Variants in DNAH2 observed in about 807,000 individuals in gnomAD.
DNAH2 encodes dynein axonemal heavy chain 2, also known as axonemal beta dynein heavy chain 2.
A neutral mutation model predicts 523.5 loss-of-function variants in DNAH2; 323 were observed. That is an observed-to-expected ratio of 0.62 (90% CI 0.56 to 0.68). The LOEUF is 0.68. Among genes scored for constraint, DNAH2 ranks in the 30% least tolerant of loss-of-function variants. The pLI is 0.00. For missense variants in DNAH2, 4,907 were observed against 5,701.5 expected (o/e 0.86, Z 4.49); for synonymous variants, 2,093 against 2,177.4 (o/e 0.96, Z 1.08).
chr17:7,833,085 C>T lies in DNAH2; in HGVS notation c.12993C>T (p.Val4331=), dbSNP rs548987581. The T allele has an allele frequency of 1.4e-4, 221 of 1,613,432 alleles. 2 individuals are homozygous for T. In the South Asian group the frequency reaches 2.2e-3, roughly 16 times the overall value. ...TTTCTCCCCAGGATGGTGTCTGGGT[C>T]CGGGGCCTGTACCTGGAAGGTGCTG... is the stretch of plus-strand genomic sequence containing the variant. ...LVYPPKDGVW[V]RGLYLEGAGW... is the part of the protein sequence containing the mutation. The change falls in exon 85 of 86, where the codon GTC becomes GTT. Residue 4331 remains valine, a synonymous_variant. Transcript: ENST00000572933.
rs1023426903 is a variant in DNAH2, at chr17:7,769,253, G to A, written c.3941+986G>A. On this transcript the variant is annotated intron_variant, in intron 24 of 85. Coordinates refer to ENST00000572933, the MANE Select transcript of DNAH2 (RefSeq NM_020877.5). ...CTCGGCTCACTGTAACCTTCACCTC[G>A]CGGGTTCAAGCAATTCTTGTGCCTC... Among the ~76,000 whole-genome samples, 28 of 151,934 alleles carry A rather than the reference G, an allele frequency of 1.8e-4. 1 individual carries two copies. Among genetic ancestry groups the A allele is most frequent in the East Asian group, 9.7e-4 (5 of 5,162 alleles).
At position 7,792,267 on chromosome 17, in the gene DNAH2, T is replaced by G. The variant is rs1481769222; in HGVS notation, c.7069T>G (p.Tyr2357Asp). 1 of 1,613,926 alleles carries G rather than the reference T, an allele frequency of 6.2e-7. No homozygotes were observed. Among genetic ancestry groups the G allele is most frequent in the Non-Finnish European group, 8.5e-7 (1 of 1,179,970 alleles). The stretch of plus-strand genomic sequence containing the variant: ...CCCTCCTTAGGACACGGTATATGAG[T>G]ATTTTGTGGACCCCAAAATACGGAG... ...SFPNKDTVYE[Y>D]FVDPKIRSWT... Residue 2357 changes from tyrosine to aspartate, a missense_variant, in exon 46 of 86, where the codon TAT becomes GAT. Physicochemically the swap from Tyr to Asp is radical, Grantham distance 160 (BLOSUM62 -3). Around this residue, in one of 3 missense-constraint regions of DNAH2, gnomAD observed 2,806 missense variants for 3,190.8 expected, o/e 0.88. Transcript: ENST00000572933.
Position 7,759,067 on chromosome 17 carries a change from GGATGTGGT to G in DNAH2, c.2394_2401del (p.Val799HisfsTer7). On this transcript the variant is annotated frameshift_variant, in exon 15 of 86. Coordinates refer to ENST00000572933, the MANE Select transcript of DNAH2 (RefSeq NM_020877.5). LOFTEE classifies it high-confidence loss of function. ...AGCAGAAATTGATGAACCTGCACCA[GGATGTGGT>G]GACCATCATGACCAACTCCTATGAG... is the stretch of plus-strand genomic sequence containing the variant. 1 of 1,614,202 alleles carries G rather than the reference GGATGTGGT, an allele frequency of 6.2e-7. No individual in the cohort carries two copies. Among genetic ancestry groups the G allele is most frequent in the Non-Finnish European group, 8.5e-7 (1 of 1,180,042 alleles).
Position 7,830,194 on chromosome 17 carries a change from C to A in DNAH2, c.11854-106C>A. 23 of 1,220,286 alleles carry A rather than the reference C, an allele frequency of 1.9e-5. 1 individual carries two copies. The South Asian group carries it at 3.4e-4, about 18-fold the overall frequency. 75.6% of individuals were successfully genotyped at this position (1,220,286 alleles called of 1,614,324 possible). On this transcript the variant is annotated intron_variant, in intron 77 of 85. Transcript: ENST00000572933. ...TTCAGCCTCCACTCACCCTTTCAGC[C>A]AGTGCCTTTGTGCAATGAAGAACCT...
rs768036883 is a variant in DNAH2 at position 7,805,362 on chromosome 17, G to T, written c.9411G>T (p.Glu3137Asp). The change falls in exon 61 of 86, where the codon GAG becomes GAT. Residue 3137 changes from glutamate to aspartate, a missense_variant. By Grantham distance (45) the Glu-to-Asp change is conservative. Coordinates refer to ENST00000572933, the MANE Select transcript of DNAH2 (RefSeq NM_020877.5). Reference protein sequence around the residue: ...MQAVMILRGNEPTWAEAKRQL... With the variant: ...MQAVMILRGNDPTWAEAKRQL... ...CAGTTATGATTCTTCGAGGCAACGA[G>T]CCCACATGGGCAGAGGCCAAGAGGC... The T allele has an allele frequency of 1.2e-5, 19 of 1,614,150 alleles. No homozygotes were observed. Among genetic ancestry groups the T allele is most frequent in the Middle Eastern group, 1.6e-4 (1 of 6,084 alleles).
At chr17:7,815,355 A>C (rs2151318651) in intron 63 of DNAH2, among the ~76,000 whole-genome samples, 1 of 152,370 alleles carries the variant, frequency 6.6e-6, no homozygotes, top group Admixed American at 6.5e-5. Context: ...TGCCTTTCCC[A>C]GTGAGGTGGC....
At chr17:7,762,835 G>A (rs1052588351) in intron 18 of DNAH2, among the ~76,000 whole-genome samples, 12 of 151,788 alleles carry the variant, frequency 7.9e-5, no homozygotes, top group South Asian at 2.1e-4. Context: ...ACCACCTTGT[G>A]AGGCAGGCTC....
At chr17:7,793,467 C>CTT (rs745737153) in intron 48 of DNAH2, among the ~76,000 whole-genome samples, 16 of 125,996 alleles carry the variant, frequency 1.3e-4, no homozygotes, top group Non-Finnish European at 2.6e-4. Flanking sequence ...TTCTTTCTTT[C>CTT]TTTCTTTCTT....
chr17:7,775,102 AG>A (rs1249026031), intron 29 of DNAH2, 126 bp downstream of exon 29: 7 of 1,253,876 alleles, frequency 5.6e-6, no homozygotes, highest in Non-Finnish European at 6.7e-6. Context: ...CTCAATTCTC[AG>A]GGGGATAGAA....
intron 42 of DNAH2, 137 bp from the exon 43 acceptor site, chr17:7,787,723 G>A (rs1458489635): frequency 2.4e-5 from 29 of 1,223,406 alleles, no homozygotes; most frequent in Non-Finnish European, 3.2e-5. Flanking sequence ...GTGACGGAGT[G>A]AGACTTTGTC....
chr17:7,801,435 A>G (rs981975619), intron 56 of DNAH2, 143 bp from the exon 57 acceptor site: 44 of 1,174,888 alleles, frequency 3.7e-5, no homozygotes, highest in Non-Finnish European at 5.2e-5. Flanking sequence ...CTCTGCAGGA[A>G]CAGAATTTGG....
intron 28 of DNAH2, among the ~76,000 whole-genome samples, chr17:7,772,814 C>T (rs2076354363): frequency 6.6e-6 from 1 of 152,104 alleles, no homozygotes; most frequent in Non-Finnish European, 1.5e-5. Flanking sequence ...GCTCTCGTTG[C>T]CCAGGCTGGA....
intron 77 of DNAH2, among the ~76,000 whole-genome samples, chr17:7,829,034 T>A (rs1306260418): frequency 2.7e-5 from 4 of 150,098 alleles, no homozygotes; most frequent in Admixed American, 6.6e-5. Flanking sequence ...ATTATTATTT[T>A]TTTTTTTTTG....
chr17:7,786,375 G>A lies in DNAH2; in HGVS notation c.6348+33G>A. On this transcript the variant is annotated intron_variant, in intron 40 of 85. Transcript: ENST00000572933. The surrounding 1 kb of genome is among the most constrained non-coding windows in gnomAD (Gnocchi z 7.5). ...GCTGGGACAGTGGAGTCAGTGGGCA[G>A]AGACTTGAGTAGTAAGAAGACAATG... The A allele has an allele frequency of 6.2e-7, 1 of 1,600,566 alleles. No homozygotes were observed. Among genetic ancestry groups the A allele is most frequent in the South Asian group, 1.1e-5 (1 of 90,562 alleles).
At position 7,817,932 on chromosome 17, in the gene DNAH2, C is replaced by A; in HGVS notation, c.10237-14C>A. 6.2e-7 allele frequency: 1 copy of A among 1,614,120 alleles called. No homozygotes were observed. ...CTCCCGTAGTGTTCCTTCACCTTCCCCCTTGCTCTCTAGGGCCTGAAGATC... is the reference window on the plus strand; with the variant it reads ...CTCCCGTAGTGTTCCTTCACCTTCCACCTTGCTCTCTAGGGCCTGAAGATC... On this transcript the variant is annotated splice_polypyrimidine_tract_variant and intron_variant, in intron 67 of 85. Coordinates refer to ENST00000572933, the MANE Select transcript of DNAH2 (RefSeq NM_020877.5).
At chr17:7,719,695 G>A (rs1259150802) in intron 1 of DNAH2, 26 bp from the exon 2 acceptor site, 1 of 1,613,984 alleles carries the variant, frequency 6.2e-7, no homozygotes, top group East Asian at 2.2e-5. Context: ...TCTGCTTGTA[G>A]ACTCTCCACT....
At chr17:7,827,997 C>G (rs1204073114) in intron 77 of DNAH2, among the ~76,000 whole-genome samples, 3 of 151,544 alleles carry the variant, frequency 2.0e-5, no homozygotes, top group African/African-American at 7.3e-5. Context: ...TGCACTGGCA[C>G]CATCTTGGCT....
chr17:7,793,134 G>A lies in DNAH2; in HGVS notation c.7498G>A (p.Glu2500Lys), dbSNP rs1218471206. 1.2e-6 allele frequency: 2 copies of A among 1,614,188 alleles called. No individual in the cohort carries two copies. The highest frequency in any genetic ancestry group is 1.1e-5 in the South Asian group (1 of 91,086). ...CATGTTTGGGTCCCAGCCACCCCTG[G>A]AGCTGATCCGCCTCTGGATTGACTA... Reference protein sequence around the residue: ...KDMFGSQPPLELIRLWIDYGF... With the variant: ...KDMFGSQPPLKLIRLWIDYGF... Residue 2500 changes from glutamate to lysine, a missense_variant, in exon 48 of 86, where the codon GAG (glutamate) becomes AAG (lysine). Transcript: ENST00000572933.
chr17:7,733,202 T>C lies in DNAH2; in HGVS notation c.515T>C (p.Leu172Pro), dbSNP rs763767414. The change falls in exon 5 of 86, where the codon CTT (leucine) becomes CCT (proline). Residue 172 changes from leucine (L) to proline (P), a missense_variant. Around this residue, in one of 3 missense-constraint regions of DNAH2, gnomAD observed 2,806 missense variants for 3,190.8 expected, o/e 0.88. Transcript: ENST00000572933. ...TVRGPYIPAL[L>P]RLLGGVFAPQ... The stretch of plus-strand genomic sequence containing the variant: ...CGGGGCCCCTATATCCCGGCCCTGC[T>C]TCGGCTGCTCGGTGGAGTCTTTGCC... 1 of 1,614,220 alleles carries C rather than the reference T, an allele frequency of 6.2e-7. No individual in the cohort carries two copies. Among genetic ancestry groups the C allele is most frequent in the South Asian group, 1.1e-5 (1 of 91,084 alleles).
Sources: allele counts gnomAD v4.1 joint callset (sites outside exome capture counted in the v4.1 genomes callset), GRCh38; gene constraint gnomAD v4.1.1; regional missense constraint gnomAD v4.1.1; non-coding constraint Gnocchi (gnomAD v3.1); transcripts MANE v1.5; gene names NCBI Gene and HGNC (gene_info 2026-07-23, HGNC 2026-07-21).